The following PIK3C2G variants were observed in gnomAD, a reference collection of about 807,000 sequenced individuals.
The protein encoded by PIK3C2G is phosphatidylinositol-4-phosphate 3-kinase catalytic subunit type 2 gamma, also known as phosphatidylinositol 3-kinase C2 domain-containing subunit gamma.
Under a neutral mutation model 181.1 loss-of-function variants are expected in PIK3C2G, and 168 were observed. The observed-to-expected ratio is 0.93, with a 90% CI of 0.82 to 1.05. PIK3C2G has a LOEUF of 1.05. Ranked by LOEUF, PIK3C2G falls within the 50% of genes least tolerant of loss-of-function variation. The probability of loss-of-function intolerance (pLI) is 0.00; values close to 1 mark genes in which losing one functional copy is unlikely to be tolerated. For synonymous variants in PIK3C2G, 573 were observed against 592.2 expected, an observed-to-expected ratio of 0.97 and a Z score of 0.47; for missense variants, 1,869 against 1,732.8, an observed-to-expected ratio of 1.08 and a Z score of -1.40.
the PIK3C2G span, among the ~76,000 whole-genome samples, chr12:18,726,531 T>A: frequency 6.6e-6 from 1 of 152,124 alleles, no homozygotes; most frequent in African/African-American, 2.4e-5. Context: ...TACTATACGT[T>A]TAAATGAGTG....
At chr12:18,468,425 T>G (rs1337743977) in intron 18 of PIK3C2G, among the ~76,000 whole-genome samples, 4 of 152,116 alleles carry the variant, frequency 2.6e-5, no homozygotes, top group South Asian at 2.1e-4. Context: ...CTGCTAAGTA[T>G]TCTTCCTTCT....
intron 2 of PIK3C2G, among the ~76,000 whole-genome samples, chr12:18,284,927 G>A (rs1208462265): frequency 6.6e-6 from 1 of 151,976 alleles, no homozygotes; most frequent in African/African-American, 2.4e-5. Flanking sequence ...GCTAACAGGA[G>A]GAAAGAAAAA....
chr12:18,460,250 T>C (rs1362020912), intron 18 of PIK3C2G, among the ~76,000 whole-genome samples: 1 of 152,122 alleles, frequency 6.6e-6, no homozygotes, highest in Non-Finnish European at 1.5e-5. Context: ...CAAAAAAGTA[T>C]GTTTAAAAGC....
chr12:18,622,068 A>T (rs1159077987), intron 31 of PIK3C2G, among the ~76,000 whole-genome samples: 1 of 151,936 alleles, frequency 6.6e-6, no homozygotes, highest in Non-Finnish European at 1.5e-5. Context: ...TGTAATTAAA[A>T]CATTAGAAAT....
At chr12:18,696,209 G>A in the PIK3C2G span, 2 of 1,601,380 alleles carry the variant, frequency 1.2e-6, no homozygotes, top group Non-Finnish European at 1.7e-6. Context: ...GTCTGCTCTT[G>A]TTGCTTTGGG....
chr12:18,519,774 T>C (rs529619041), intron 24 of PIK3C2G, among the ~76,000 whole-genome samples: 17 of 152,210 alleles, frequency 1.1e-4, no homozygotes, highest in African/African-American at 4.1e-4. Flanking sequence ...GCTATCTGGT[T>C]ATTTTGCACA....
chr12:18,717,352 G>A, the PIK3C2G span, among the ~76,000 whole-genome samples: 2 of 152,026 alleles, frequency 1.3e-5, no homozygotes, highest in Admixed American at 6.5e-5. Flanking sequence ...GTGAATTTAT[G>A]TCTTTACTTA....
intron 26 of PIK3C2G, among the ~76,000 whole-genome samples, chr12:18,551,432 C>T (rs528360591): frequency 5.1e-4 from 77 of 152,176 alleles, no homozygotes; most frequent in Middle Eastern, 6.8e-3. Flanking sequence ...AACTTCCCTG[C>T]CTACCTCCCC....
At chr12:18,403,920 C>T (rs1944385105) in intron 16 of PIK3C2G, among the ~76,000 whole-genome samples, 1 of 152,010 alleles carries the variant, frequency 6.6e-6, no homozygotes, top group Non-Finnish European at 1.5e-5. Context: ...GCAAAAATTA[C>T]CCAAGGAATT....
rs1937970827 is a variant in PIK3C2G at position 18,467,127 on chromosome 12, G to A, written c.2505-21322G>A. 1.3e-5 allele frequency among the ~76,000 whole-genome samples: 2 copies of A among 152,064 alleles called. 1 individual carries two copies. The highest frequency in any genetic ancestry group is 1.3e-4 in the Admixed American group (2 of 15,210). On this transcript the variant is annotated intron_variant, in intron 18 of 32. Coordinates refer to ENST00000538779, the MANE Select transcript of PIK3C2G (RefSeq NM_001288772.2). ...TTAGGCTTGAAACGCTCAATGATAG[G>A]AAGCCATGCACAAATAATTTGATAC...
At chr12:18,494,444 G>C (rs1220991756) in intron 20 of PIK3C2G, among the ~76,000 whole-genome samples, 1 of 151,874 alleles carries the variant, frequency 6.6e-6, no homozygotes, top group African/African-American at 2.4e-5. Flanking sequence ...AAATTTAATA[G>C]GCTTTGTGAG....
the PIK3C2G span, among the ~76,000 whole-genome samples, chr12:18,661,914 C>T: frequency 1.3e-5 from 2 of 152,072 alleles, no homozygotes; most frequent in Non-Finnish European, 2.9e-5. Context: ...AGTACACATA[C>T]ACCATGAAAT....
chr12:18,596,083 CT>C (rs1273332785), intron 30 of PIK3C2G, among the ~76,000 whole-genome samples: 1 of 152,030 alleles, frequency 6.6e-6, no homozygotes. Flanking sequence ...TAAATAATTA[CT>C]GAATAAATGA....
At chr12:18,469,671 C>T (rs1938261453) in intron 18 of PIK3C2G, among the ~76,000 whole-genome samples, 1 of 152,060 alleles carries the variant, frequency 6.6e-6, no homozygotes, top group Non-Finnish European at 1.5e-5. Flanking sequence ...CTCCCCTCCA[C>T]TTCTCTTCCC....
At chr12:18,591,308 G>A (rs556989386) in intron 29 of PIK3C2G, among the ~76,000 whole-genome samples, 16 of 152,026 alleles carry the variant, frequency 1.1e-4, no homozygotes, top group African/African-American at 3.9e-4. Flanking sequence ...ACCTGCATTT[G>A]AAACTGATGT....
chr12:18,290,665 T>G (rs370045795), intron 3 of PIK3C2G, among the ~76,000 whole-genome samples, 190 bp from the exon 4 acceptor site: 6 of 152,168 alleles, frequency 3.9e-5, no homozygotes, highest in Non-Finnish European at 7.4e-5. Context: ...TTGGTATAAT[T>G]GCAATCTCTA....
At chr12:18,545,703 T>G (rs576320831) in intron 25 of PIK3C2G, among the ~76,000 whole-genome samples, 72 of 151,856 alleles carry the variant, frequency 4.7e-4, no homozygotes, top group Non-Finnish European at 8.8e-4. Flanking sequence ...CAGTCACCAT[T>G]TAAGTAGGGA....
the PIK3C2G span, among the ~76,000 whole-genome samples, chr12:18,674,226 T>TATTAA: frequency 6.6e-6 from 1 of 152,342 alleles, no homozygotes; most frequent in Middle Eastern, 3.4e-3. Context: ...AAGCCACATA[T>TATTAA]ATTAAATTCA....
the PIK3C2G span, among the ~76,000 whole-genome samples, chr12:18,663,434 T>C: frequency 6.5e-3 from 991 of 152,226 alleles, 16 homozygotes; most frequent in African/African-American, 0.022. Flanking sequence ...ATAGGTAATG[T>C]AGAGATTATT....
Sources: allele counts gnomAD v4.1 joint callset (sites outside exome capture counted in the v4.1 genomes callset), GRCh38; gene constraint gnomAD v4.1.1; transcripts MANE v1.5; gene names NCBI Gene and HGNC (gene_info 2026-07-23, HGNC 2026-07-21).